NALF1: variants seen among roughly 807,000 people sequenced by gnomAD.
The protein encoded by NALF1 is family with sequence similarity 155 member A.
In NALF1, 3 loss-of-function variants were observed where a neutral mutation model predicts 48.4. The ratio of observed to expected loss-of-function variants is 0.06; its 90% CI spans 0.03 to 0.16. NALF1 has a LOEUF of 0.16. NALF1 is among the 10% of genes least tolerant of loss of function. NALF1 has a pLI of 1.00. For synonymous variants in NALF1, 262 were observed against 245.7 expected (o/e 1.07, Z -0.62); for missense variants, 526 against 571.5 (o/e 0.92, Z 0.81).
intron 1 of NALF1, among the ~76,000 whole-genome samples, chr13:107,240,637 C>T (rs1880447822): frequency 6.6e-6 from 1 of 152,120 alleles, no homozygotes; most frequent in African/African-American, 2.4e-5. Context: ...ACGTGGAGAA[C>T]CAACCTGATC....
intron 1 of NALF1, among the ~76,000 whole-genome samples, chr13:107,494,097 A>C (rs1178888114): frequency 7.2e-6 from 1 of 138,626 alleles, no homozygotes; most frequent in African/African-American, 3.5e-5. Flanking sequence ...ATATGATTTG[A>C]GACTCAATTG....
At chr13:107,313,781 G>T (rs1183357581) in intron 1 of NALF1, among the ~76,000 whole-genome samples, 1 of 152,132 alleles carries the variant, frequency 6.6e-6, no homozygotes, top group Non-Finnish European at 1.5e-5. Flanking sequence ...TGACTCAAAA[G>T]AATGCAACCT....
intron 1 of NALF1, among the ~76,000 whole-genome samples, chr13:107,263,949 CT>C (rs1880987817): frequency 6.6e-6 from 1 of 152,180 alleles, no homozygotes; most frequent in South Asian, 2.1e-4. Flanking sequence ...TGATGCCAAT[CT>C]TTTGGTTGTG....
intron 1 of NALF1, among the ~76,000 whole-genome samples, chr13:107,443,983 A>G (rs2139028742): frequency 1.3e-5 from 2 of 152,186 alleles, no homozygotes; most frequent in Middle Eastern, 3.4e-3. Context: ...TTTTCTTTTT[A>G]GTTTTGGTTC....
At chr13:107,317,220 T>C (rs1882167513) in intron 1 of NALF1, among the ~76,000 whole-genome samples, 1 of 152,076 alleles carries the variant, frequency 6.6e-6, no homozygotes, top group Non-Finnish European at 1.5e-5. Flanking sequence ...GGTTGTAATA[T>C]AACTATTTTC....
intron 1 of NALF1, among the ~76,000 whole-genome samples, chr13:107,660,301 G>T (rs1353303790): frequency 6.6e-6 from 1 of 151,544 alleles, no homozygotes; most frequent in African/African-American, 2.4e-5. Context: ...AGCTGGGCAT[G>T]GTGTGACCCT....
chr13:107,747,389 C>T (rs767037773), intron 1 of NALF1, among the ~76,000 whole-genome samples: 2 of 152,214 alleles, frequency 1.3e-5, no homozygotes, highest in East Asian at 3.8e-4. Flanking sequence ...TGGGATCTTA[C>T]TTCCACTATG....
chr13:107,752,524 AC>A (rs1298201357), intron 1 of NALF1, among the ~76,000 whole-genome samples: 1 of 152,176 alleles, frequency 6.6e-6, no homozygotes, highest in Admixed American at 6.5e-5. Context: ...ATAATGGAAT[AC>A]TATTCAGCAA....
intron 1 of NALF1, among the ~76,000 whole-genome samples, chr13:107,372,749 C>T (rs1220894098): frequency 1.3e-5 from 2 of 152,140 alleles, no homozygotes; most frequent in East Asian, 3.9e-4. Flanking sequence ...AATCTGTTAT[C>T]AAACATGCTT....
chr13:107,200,085 C>T (rs1160811487), intron 2 of NALF1, among the ~76,000 whole-genome samples: 1 of 152,190 alleles, frequency 6.6e-6, no homozygotes, highest in Non-Finnish European at 1.5e-5. Flanking sequence ...AAGTTCTTAC[C>T]TTAACCCAAC....
intron 1 of NALF1, among the ~76,000 whole-genome samples, chr13:107,546,573 A>G (rs774351659): frequency 6.6e-6 from 1 of 152,048 alleles, no homozygotes; most frequent in Non-Finnish European, 1.5e-5. Context: ...AACCTGAACC[A>G]TTGCTAATAC....
intron 1 of NALF1, among the ~76,000 whole-genome samples, chr13:107,635,159 C>T (rs1879940976): frequency 6.6e-6 from 1 of 152,068 alleles, no homozygotes; most frequent in Admixed American, 6.6e-5. Flanking sequence ...ACTCAAATTC[C>T]TTTAGGTATT....
intron 1 of NALF1, among the ~76,000 whole-genome samples, chr13:107,228,687 TC>T: frequency 6.6e-6 from 1 of 152,330 alleles, no homozygotes; most frequent in East Asian, 1.9e-4. Context: ...TGGCCCGATC[TC>T]TGCTCACTGC....
At chr13:107,613,110 G>C (rs2138434340) in intron 1 of NALF1, among the ~76,000 whole-genome samples, 1 of 152,218 alleles carries the variant, frequency 6.6e-6, no homozygotes, top group African/African-American at 2.4e-5. Flanking sequence ...CACAGGGAAA[G>C]GTGAAACTCC....
intron 1 of NALF1, among the ~76,000 whole-genome samples, chr13:107,501,311 G>A (rs1045692004): frequency 2.0e-5 from 3 of 152,054 alleles, no homozygotes; most frequent in Non-Finnish European, 4.4e-5. Flanking sequence ...CCACAGCGTG[G>A]GGGATCATAT....
chr13:107,683,668 G>A (rs1413611152), intron 1 of NALF1, among the ~76,000 whole-genome samples: 1 of 152,152 alleles, frequency 6.6e-6, no homozygotes, highest in Non-Finnish European at 1.5e-5. Flanking sequence ...GAATGCTGGG[G>A]TCCCCAGAGA....
At chr13:107,498,669 G>A (rs1444997604) in intron 1 of NALF1, among the ~76,000 whole-genome samples, 2 of 152,154 alleles carry the variant, frequency 1.3e-5, no homozygotes, top group Non-Finnish European at 2.9e-5. Flanking sequence ...TCTCAATCAG[G>A]AAGGGAAGGA....
chr13:107,747,318 C>T (rs751081604), intron 1 of NALF1, among the ~76,000 whole-genome samples: 2 of 152,138 alleles, frequency 1.3e-5, no homozygotes, highest in Non-Finnish European at 2.9e-5. Context: ...TAAAAGCCTG[C>T]CATCTTGTAC....
intron 1 of NALF1, among the ~76,000 whole-genome samples, chr13:107,518,457 G>A (rs1876131573): frequency 6.6e-6 from 1 of 152,014 alleles, no homozygotes; most frequent in African/African-American, 2.4e-5. Flanking sequence ...AAAAAGAAAG[G>A]AGCTCTCCAA....
Sources: gnomAD v4.1 joint callset for allele counts (sites outside exome capture counted in the v4.1 genomes callset) on GRCh38, gnomAD v4.1.1 for gene constraint, MANE v1.5 for transcripts, NCBI Gene and HGNC (gene_info 2026-07-23, HGNC 2026-07-21) for gene names.